TBL1XR1: variants seen among roughly 807,000 people sequenced by gnomAD.
TBL1XR1 encodes the protein F-box-like/WD repeat-containing protein TBL1XR1.
In TBL1XR1, 5 loss-of-function variants were observed where a neutral mutation model predicts 66.9. The observed-to-expected ratio is 0.07, with a 90% CI of 0.04 to 0.16. TBL1XR1 has a LOEUF of 0.16. TBL1XR1 is among the 10% of genes least tolerant of loss of function. The pLI, the probability that TBL1XR1 is intolerant of heterozygous loss-of-function variation, is 1.00. For missense variants in TBL1XR1, 238 were observed against 623.2 expected (o/e 0.38, Z 6.58); for synonymous variants, 210 against 206.0 (o/e 1.02, Z -0.17).
At chr3:177,156,843 C>T (rs1297104321) in intron 1 of TBL1XR1, among the ~76,000 whole-genome samples, 1 of 152,094 alleles carries the variant, frequency 6.6e-6, no homozygotes, top group Non-Finnish European at 1.5e-5. Context: ...AAAAATTGTG[C>T]TACATCCGCA....
intron 2 of TBL1XR1, among the ~76,000 whole-genome samples, chr3:177,069,924 G>T (rs989676770): frequency 1.4e-4 from 22 of 152,136 alleles, no homozygotes; most frequent in African/African-American, 5.1e-4. Flanking sequence ...TTTCAACTGT[G>T]ATCTAAGCCA....
chr3:177,114,808 T>G (rs1726102556), intron 1 of TBL1XR1, among the ~76,000 whole-genome samples: 1 of 150,494 alleles, frequency 6.6e-6, no homozygotes, highest in Non-Finnish European at 1.5e-5. Flanking sequence ...AGACCCCATC[T>G]CTATAAAAAA....
At chr3:177,052,980 T>C (rs965079868) in intron 4 of TBL1XR1, among the ~76,000 whole-genome samples, 2 of 152,088 alleles carry the variant, frequency 1.3e-5, no homozygotes, top group African/African-American at 4.8e-5. Context: ...TGGGTGCCTA[T>C]AATCCCAGCT....
chr3:177,178,034 T>A (rs1047933086), intron 1 of TBL1XR1, among the ~76,000 whole-genome samples: 22 of 152,238 alleles, frequency 1.4e-4, no homozygotes, highest in South Asian at 1.0e-3. Context: ...CATAAAAGAA[T>A]CAGCTATATA....
Position 177,025,637 on chromosome 3 carries a change from T to G in TBL1XR1, c.1519-113A>C, listed in dbSNP as rs531030263. 18 of 1,002,524 alleles carry G rather than the reference T, an allele frequency of 1.8e-5. No individual in the cohort carries two copies. In the South Asian group the frequency reaches 2.6e-4, roughly 15 times the overall value. The allele number at this position is 1,002,524 out of a possible 1,614,324, so 62.1% of individuals were successfully genotyped here. The stretch of plus-strand genomic sequence containing the variant: ...TTTCTTAGTTCCAAGTTTATAAAAT[T>G]GGTAAAGCATAATAATCATGGAAAT... On this transcript the variant is annotated intron_variant, in intron 15 of 15. Coordinates refer to ENST00000457928, the MANE Select transcript of TBL1XR1 (RefSeq NM_024665.7).
At chr3:177,042,914 A>T (rs55901664) in intron 10 of TBL1XR1, among the ~76,000 whole-genome samples, 48,465 of 148,914 alleles carry the variant, frequency 0.33, 8,059 homozygotes, top group East Asian at 0.58. Context: ...CTTTATTTTT[A>T]AAAAAAAAAG....
Position 177,024,762 on chromosome 3 carries a change from A to G in TBL1XR1, c.*736T>C, listed in dbSNP as rs1712871279. The G allele has an allele frequency of 6.6e-6, 1 of 152,014 alleles. No homozygotes were observed. Among genetic ancestry groups the G allele is most frequent in the Non-Finnish European group, 1.5e-5 (1 of 67,868 alleles). The allele number at this position is 152,014 out of a possible 1,614,324, so 9.4% of individuals were successfully genotyped here. A position where few individuals can be genotyped will look rare whatever the true frequency, so the allele number is the denominator to read the frequency against. The stretch of plus-strand genomic sequence containing the variant: ...CAAAAAAACAAAACCAACAGAGCAT[A>G]ATACCCTTTTACTGATGTGTCTTAC... On this transcript the variant is annotated 3_prime_UTR_variant, in exon 16 of 16. Coordinates refer to ENST00000457928, the MANE Select transcript of TBL1XR1 (RefSeq NM_024665.7).
chr3:177,157,713 T>A (rs918753271), intron 1 of TBL1XR1, among the ~76,000 whole-genome samples: 3 of 152,112 alleles, frequency 2.0e-5, no homozygotes, highest in African/African-American at 7.2e-5. Flanking sequence ...TCCATTCATA[T>A]GAAATTTCTC....
intron 1 of TBL1XR1, among the ~76,000 whole-genome samples, chr3:177,151,003 G>C (rs970930744): frequency 2.6e-5 from 4 of 152,144 alleles, no homozygotes; most frequent in African/African-American, 9.7e-5. Context: ...TAATATACTT[G>C]TTTCTGAGGT....
At chr3:177,080,669 G>C (rs1166068650) in intron 2 of TBL1XR1, among the ~76,000 whole-genome samples, 1 of 151,914 alleles carries the variant, frequency 6.6e-6, no homozygotes, top group African/African-American at 2.4e-5. Context: ...TTTTTTAAAA[G>C]AGTGTCTCCA....
intron 1 of TBL1XR1, among the ~76,000 whole-genome samples, chr3:177,188,045 G>C (rs1047835369): frequency 6.1e-5 from 9 of 147,450 alleles, no homozygotes; most frequent in Non-Finnish European, 1.2e-4. Flanking sequence ...CACCTCCCAG[G>C]TTCAGGCTAA....
intron 1 of TBL1XR1, among the ~76,000 whole-genome samples, chr3:177,131,760 C>G (rs1728319978): frequency 6.6e-6 from 1 of 151,998 alleles, no homozygotes; most frequent in Admixed American, 6.6e-5. Context: ...CCTTGGTCTC[C>G]CAAAGTGCTA....
At chr3:177,162,372 GCCTGCCGGAAGGCATGAAATGTT>G (rs1250260110) in intron 1 of TBL1XR1, among the ~76,000 whole-genome samples, 2 of 152,218 alleles carry the variant, frequency 1.3e-5, no homozygotes, top group Non-Finnish European at 2.9e-5. Flanking sequence ...AAGGGAGCCT[GCCTGCCGGAAGGCATGAAATGTT>G]CCATGTCTCA....
intron 3 of TBL1XR1, 147 bp downstream of exon 3, chr3:177,064,773 A>G (rs1364519300): frequency 3.2e-6 from 2 of 618,628 alleles, no homozygotes; most frequent in African/African-American, 3.9e-5. Flanking sequence ...ACCATGCAGT[A>G]AAACATAGCT....
chr3:177,054,077 C>T (rs931024235), intron 3 of TBL1XR1, among the ~76,000 whole-genome samples, 159 bp from the exon 4 acceptor site: 9 of 146,774 alleles, frequency 6.1e-5, no homozygotes, highest in African/African-American at 1.6e-4. Flanking sequence ...TGTGTGTGCG[C>T]GCGCGTGTGT....
chr3:177,111,218 A>G (rs2108720826), intron 1 of TBL1XR1, among the ~76,000 whole-genome samples: 1 of 152,182 alleles, frequency 6.6e-6, no homozygotes, highest in South Asian at 2.1e-4. Context: ...AACGATACAA[A>G]AGTTACCCTG....
intron 2 of TBL1XR1, among the ~76,000 whole-genome samples, chr3:177,081,044 CTTG>C (rs1358820484): frequency 6.6e-6 from 1 of 152,120 alleles, no homozygotes; most frequent in Non-Finnish European, 1.5e-5. Flanking sequence ...ATGGAAAAAG[CTTG>C]TTTTTAAAAG....
At chr3:177,044,553 TAAC>T (rs1009400454) in intron 10 of TBL1XR1, among the ~76,000 whole-genome samples, 1 of 152,138 alleles carries the variant, frequency 6.6e-6, no homozygotes, top group African/African-American at 2.4e-5. Flanking sequence ...CGTCTGAAGG[TAAC>T]AGATGTATTC....
At chr3:177,180,625 A>G (rs1477388701) in intron 1 of TBL1XR1, among the ~76,000 whole-genome samples, 1 of 152,188 alleles carries the variant, frequency 6.6e-6, no homozygotes, top group Non-Finnish European at 1.5e-5. Flanking sequence ...TAGCTCAAAA[A>G]CAAATGCGTC....
Sources: allele counts gnomAD v4.1 joint callset (sites outside exome capture counted in the v4.1 genomes callset), GRCh38; gene constraint gnomAD v4.1.1; transcripts MANE v1.5; gene names NCBI Gene and HGNC (gene_info 2026-07-23, HGNC 2026-07-21).